STX3: variants seen among roughly 807,000 people sequenced by gnomAD.
STX3 encodes syntaxin 3.
Under a neutral mutation model 40.2 loss-of-function variants are expected in STX3, and 19 were observed. That is an observed-to-expected ratio of 0.47 (90% CI 0.33 to 0.69). STX3 has a LOEUF of 0.69. Among genes scored for constraint, STX3 ranks in the 30% least tolerant of loss-of-function variants. The probability of loss-of-function intolerance (pLI) is 0.02; values close to 1 mark genes in which losing one functional copy is unlikely to be tolerated. For missense variants in STX3, 364 were observed against 366.7 expected, an observed-to-expected ratio of 0.99 and a Z score of 0.06; for synonymous variants, 122 against 132.2, an observed-to-expected ratio of 0.92 and a Z score of 0.53.
At chr11:59,800,068 A>C in intron 10 of STX3, 1 of 985,454 alleles carries the variant, frequency 1.0e-6, no homozygotes, top group Non-Finnish European at 1.2e-6. Context: ...TAACTCCTCA[A>C]AGAGGAGCAG....
At position 59,755,416 on chromosome 11, in the gene STX3, G is replaced by T; in HGVS notation, c.-190G>T. ...GGCGCCGGTGGGGGCGGAGGGGGCT[G>T]CGCGGCGGAGGCTCCCGTGGCCTCG... On this transcript the variant is annotated 5_prime_UTR_variant, in exon 1 of 11. Transcript: ENST00000337979. 2.1e-6 allele frequency: 1 copy of T among 487,132 alleles called. No individual in the cohort carries two copies. The highest frequency in any genetic ancestry group is 3.3e-6 in the Non-Finnish European group (1 of 305,152). 30.2% of individuals were successfully genotyped at this position (487,132 alleles called of 1,614,324 possible).
chr11:59,778,831 CTTTTTTTTT>C (rs112512362), intron 2 of STX3, among the ~76,000 whole-genome samples: 2 of 125,808 alleles, frequency 1.6e-5, no homozygotes, highest in African/African-American at 3.0e-5. Context: ...TTTTCTTTTC[CTTTTTTTTT>C]TTTTTTTTTT....
chr11:59,772,330 T>C (rs1863700318), intron 1 of STX3, among the ~76,000 whole-genome samples: 1 of 152,208 alleles, frequency 6.6e-6, no homozygotes, highest in Non-Finnish European at 1.5e-5. Flanking sequence ...CAGGCCCTTA[T>C]GCTGGGTGGG....
chr11:59,797,204 G>A, intron 9 of STX3, 79 bp from the exon 10 acceptor site: 8 of 1,042,590 alleles, frequency 7.7e-6, no homozygotes, highest in Non-Finnish European at 1.2e-5. Flanking sequence ...AGAGGTGACA[G>A]GGGTTAGGTT....
chr11:59,767,692 G>C (rs1423012678), intron 1 of STX3, among the ~76,000 whole-genome samples: 2 of 152,156 alleles, frequency 1.3e-5, no homozygotes, highest in African/African-American at 4.8e-5. Flanking sequence ...TTTGGAAGTG[G>C]CATGCTACAG....
chr11:59,778,132 C>T (rs1354308809), intron 2 of STX3, among the ~76,000 whole-genome samples: 1 of 152,124 alleles, frequency 6.6e-6, no homozygotes, highest in East Asian at 1.9e-4. Flanking sequence ...AGTTACATAG[C>T]ACATCACTTC....
At chr11:59,792,041 T>G in intron 5 of STX3, 66 bp from the exon 6 acceptor site, 1 of 1,246,580 alleles carries the variant, frequency 8.0e-7, no homozygotes, top group Non-Finnish European at 1.2e-6. Flanking sequence ...TATGTGGGGG[T>G]GGGGAGGGGT....
At chr11:59,781,100 T>TTTTTTTTATATATA (rs963410109) in intron 2 of STX3, among the ~76,000 whole-genome samples, 5 of 146,308 alleles carry the variant, frequency 3.4e-5, no homozygotes, top group African/African-American at 1.3e-4. Context: ...TTTTTTTTTT[T>TTTTTTTTATATATA]TATATTAGCA....
At chr11:59,766,436 A>C (rs74885471) in intron 1 of STX3, among the ~76,000 whole-genome samples, 1,525 of 152,276 alleles carry the variant, frequency 0.01, 25 homozygotes, top group African/African-American at 0.034. Flanking sequence ...ATCCCAGTGT[A>C]TAAAGCAGAT....
Position 59,801,112 on chromosome 11 carries a change from T to A in STX3, c.*288T>A. 1 of 1,382,666 alleles carries A rather than the reference T, an allele frequency of 7.2e-7. No individual in the cohort carries two copies. Among genetic ancestry groups the A allele is most frequent in the Middle Eastern group, 2.7e-4 (1 of 3,686 alleles). The allele number at this position is 1,382,666 out of a possible 1,614,324, so 85.6% of individuals were successfully genotyped here. On this transcript the variant is annotated 3_prime_UTR_variant, in exon 11 of 11. Coordinates refer to ENST00000337979, the MANE Select transcript of STX3 (RefSeq NM_004177.5). ...GACTGTGTGGACCCACCCAGCTTTCTTCCTCCCTGTTGTGTGTCAGATTAT... is the reference window on the plus strand; with the variant it reads ...GACTGTGTGGACCCACCCAGCTTTCATCCTCCCTGTTGTGTGTCAGATTAT...
At chr11:59,774,990 T>C (rs1004502669) in intron 2 of STX3, among the ~76,000 whole-genome samples, 1 of 152,220 alleles carries the variant, frequency 6.6e-6, no homozygotes, top group African/African-American at 2.4e-5. Context: ...CTTAGGTTTT[T>C]AATTTCCCCT....
rs993391993 is a variant in STX3, at chr11:59,803,950, C to G, written c.*3126C>G. 1 of 153,068 alleles carries G rather than the reference C, an allele frequency of 6.5e-6. No individual in the cohort carries two copies. The highest frequency in any genetic ancestry group is 2.4e-5 in the African/African-American group (1 of 41,422). 9.5% of individuals were successfully genotyped at this position (153,068 alleles called of 1,614,324 possible). A position where few individuals can be genotyped will look rare whatever the true frequency, so the allele number is the denominator to read the frequency against. On this transcript the variant is annotated 3_prime_UTR_variant, in exon 11 of 11. Coordinates refer to ENST00000337979, the MANE Select transcript of STX3 (RefSeq NM_004177.5). ...TTCTCCTCTTTCCATTATGAAACTT[C>G]TTAAGAAACAGGGCACCAATCAACT... is the stretch of plus-strand genomic sequence containing the variant.
rs112012200 is a variant in STX3, at chr11:59,801,883, G to A, written c.*1059G>A. 4.9e-3 allele frequency: 4,846 copies of A among 985,272 alleles called. 22 individuals carry two copies. The highest frequency in any genetic ancestry group is 8.6e-3 in the African/African-American group (491 of 57,282). The allele number at this position is 985,272 out of a possible 1,614,324, so 61.0% of individuals were successfully genotyped here. A position where few individuals can be genotyped will look rare whatever the true frequency, so the allele number is the denominator to read the frequency against. ...TTGGGTAAAGGACATTTGCTTACCTGCAAATGAATCACTGTGGAAATGTGA... is the reference window on the plus strand; with the variant it reads ...TTGGGTAAAGGACATTTGCTTACCTACAAATGAATCACTGTGGAAATGTGA... On this transcript the variant is annotated 3_prime_UTR_variant, in exon 11 of 11. Transcript: ENST00000337979.
intron 1 of STX3, among the ~76,000 whole-genome samples, chr11:59,758,549 C>T (rs928842744): frequency 2.6e-5 from 4 of 152,222 alleles, no homozygotes; most frequent in Non-Finnish European, 4.4e-5. Context: ...CTGGCAACAG[C>T]GTCCACACAG....
At position 59,789,687 on chromosome 11, in the gene STX3, C is replaced by T. The variant is rs375492784; in HGVS notation, c.289+740C>T. 3.3e-5 allele frequency among the ~76,000 whole-genome samples: 5 copies of T among 152,344 alleles called. No homozygotes were observed. In the East Asian group the frequency reaches 7.7e-4, roughly 23 times the overall value. ...AACTTTTCTGGCCTCAAGTGATCCACCTGCCTGGGCCTCCCAAATCGCTGG... is the reference window on the plus strand; with the variant it reads ...AACTTTTCTGGCCTCAAGTGATCCATCTGCCTGGGCCTCCCAAATCGCTGG... On this transcript the variant is annotated intron_variant, in intron 4 of 10. Transcript: ENST00000337979.
At position 59,758,791 on chromosome 11, in the gene STX3, A is replaced by G. The variant is rs181687132; in HGVS notation, c.30+3156A>G. Among the ~76,000 whole-genome samples, 102 of 152,306 alleles carry G rather than the reference A, an allele frequency of 6.7e-4. 1 individual carries two copies. The highest frequency in any genetic ancestry group is 2.3e-3 in the African/African-American group (97 of 41,566). On this transcript the variant is annotated intron_variant, in intron 1 of 10. Transcript: ENST00000337979. ...GAATCTGCTGAGTCCAGACAGTTCC[A>G]TGCTTTTGCATGGCCCTGTTTTCAT...
intron 5 of STX3, 61 bp downstream of exon 5, chr11:59,790,647 G>T: frequency 7.7e-7 from 1 of 1,303,050 alleles, no homozygotes. Flanking sequence ...TCCCTTAACT[G>T]TGGAGGGATT....
chr11:59,790,773 T>C (rs1041286101), intron 5 of STX3, among the ~76,000 whole-genome samples, 187 bp downstream of exon 5: 1 of 152,126 alleles, frequency 6.6e-6, no homozygotes, highest in Admixed American at 6.5e-5. Context: ...GCTCCTCTCC[T>C]GTACTCTCCT....
At chr11:59,790,982 G>A (rs1459551604) in intron 5 of STX3, among the ~76,000 whole-genome samples, 1 of 151,824 alleles carries the variant, frequency 6.6e-6, no homozygotes, top group Admixed American at 6.5e-5. Flanking sequence ...TGCCATTGAA[G>A]CGGCATGGAA....
Sources: allele counts gnomAD v4.1 joint callset (sites outside exome capture counted in the v4.1 genomes callset), GRCh38; gene constraint gnomAD v4.1.1; transcripts MANE v1.5; gene names NCBI Gene and HGNC (gene_info 2026-07-23, HGNC 2026-07-21).